The following SIPA1L2 variants were observed in gnomAD, a reference collection of about 807,000 sequenced individuals.
The protein encoded by SIPA1L2 is signal-induced proliferation-associated 1-like protein 2.
In SIPA1L2, 56 loss-of-function variants were observed where a neutral mutation model predicts 163.9. The ratio of observed to expected loss-of-function variants is 0.34; its 90% CI spans 0.28 to 0.43. The LOEUF (loss-of-function observed/expected upper bound fraction) is 0.43. SIPA1L2 is among the 20% of genes least tolerant of loss of function. The pLI, the probability that SIPA1L2 is intolerant of heterozygous loss-of-function variation, is 1.00. For missense variants in SIPA1L2, 1,974 were observed against 2,193.5 expected (o/e 0.90, Z 2.00); for synonymous variants, 877 against 865.7 (o/e 1.01, Z -0.23).
At chr1:232,573,619 A>G (rs900501918) in intron 2 of SIPA1L2, among the ~76,000 whole-genome samples, 1 of 152,166 alleles carries the variant, frequency 6.6e-6, no homozygotes, top group Non-Finnish European at 1.5e-5. Context: ...TTGTGCACAC[A>G]CATAAGTAAG....
chr1:232,439,084 A>G, intron 15 of SIPA1L2, 24 bp downstream of exon 15: 1 of 1,573,324 alleles, frequency 6.4e-7, no homozygotes, highest in Non-Finnish European at 8.6e-7. Context: ...AGCAGGTACT[A>G]CTCTGCAGTG....
rs368293364 is a variant in SIPA1L2, at chr1:232,402,507, G to C, written c.4941-34C>G. 4.4e-6 allele frequency: 7 copies of C among 1,587,302 alleles called. No homozygotes were observed. The African/African-American group carries it at 6.8e-5, about 15-fold the overall frequency. Reference sequence around the variant, plus strand: ...TAAGGATAGAATTAGAAAGATTCAAGAGAGTCAATCGAGCATTTTTGTTGG... The same window carrying C: ...TAAGGATAGAATTAGAAAGATTCAACAGAGTCAATCGAGCATTTTTGTTGG... On this transcript the variant is annotated intron_variant, in intron 21 of 22. Transcript: ENST00000674635.
In SIPA1L2 at chr1:232,439,285, C is replaced by G; in HGVS notation, c.3854G>C (p.Gly1285Ala). 6.2e-7 allele frequency: 1 copy of G among 1,614,132 alleles called. No individual in the cohort carries two copies. Among genetic ancestry groups the G allele is most frequent in the Non-Finnish European group, 8.5e-7 (1 of 1,180,026 alleles). The change falls in exon 15 of 23, where the codon GGC becomes GCC. Residue 1285 changes from glycine to alanine, a missense_variant. This residue lies in a region of SIPA1L2 where 1,079 missense variants were observed against 1,150.7 expected (regional missense o/e 0.94). Coordinates refer to ENST00000674635, the MANE Select transcript of SIPA1L2 (RefSeq NM_020808.5). ...ATILGPVHLA[G>A]SRSLIHSRAE... Reference sequence around the variant, plus strand: ...CCGGCTGTGGATCAGGGACCTGCTGCCTGCCAGGTGCACAGGGCCGAGGAT... The same window carrying G: ...CCGGCTGTGGATCAGGGACCTGCTGGCTGCCAGGTGCACAGGGCCGAGGAT...
intron 2 of SIPA1L2, among the ~76,000 whole-genome samples, chr1:232,556,858 T>C (rs1357703878): frequency 1.3e-5 from 2 of 152,166 alleles, no homozygotes; most frequent in Non-Finnish European, 2.9e-5. Flanking sequence ...TTCCCTCTAT[T>C]TTTTAGATTC....
At chr1:232,601,731 C>T (rs1661602937) in intron 1 of SIPA1L2, among the ~76,000 whole-genome samples, 1 of 152,182 alleles carries the variant, frequency 6.6e-6, no homozygotes, top group Non-Finnish European at 1.5e-5. Context: ...AGCCAAGTTA[C>T]AGAAATGTCA....
intron 3 of SIPA1L2, among the ~76,000 whole-genome samples, chr1:232,501,136 C>T (rs1666458727): frequency 7.3e-6 from 1 of 137,592 alleles, no homozygotes; most frequent in South Asian, 2.4e-4. Flanking sequence ...TGGCTCACTG[C>T]AAGCTCTGCC....
chr1:232,495,548 G>A (rs1055630543), intron 3 of SIPA1L2, among the ~76,000 whole-genome samples: 8 of 143,110 alleles, frequency 5.6e-5, no homozygotes, highest in African/African-American at 1.8e-4. Flanking sequence ...CTGGGTGACA[G>A]AGCAAGACTC....
At chr1:232,410,737 T>A (rs1660904482) in intron 19 of SIPA1L2, among the ~76,000 whole-genome samples, 1 of 152,142 alleles carries the variant, frequency 6.6e-6, no homozygotes, top group Non-Finnish European at 1.5e-5. Context: ...CAAGAAATAA[T>A]CTAAGTACCT....
intron 2 of SIPA1L2, among the ~76,000 whole-genome samples, chr1:232,532,457 T>C (rs1657023679): frequency 1.3e-5 from 2 of 152,220 alleles, no homozygotes; most frequent in South Asian, 4.1e-4. Context: ...TTTGCTGTTG[T>C]CATCATCAGT....
chr1:232,546,464 C>T (rs1313587961), intron 2 of SIPA1L2, among the ~76,000 whole-genome samples: 1 of 152,202 alleles, frequency 6.6e-6, no homozygotes, highest in Non-Finnish European at 1.5e-5. Flanking sequence ...AACAGGAAGA[C>T]TGCCCAGCCG....
Position 232,412,977 on chromosome 1 carries a change from A to G in SIPA1L2, c.4762+2517T>C, listed in dbSNP as rs796453502. On this transcript the variant is annotated intron_variant, in intron 19 of 22. Transcript: ENST00000674635. Reference sequence around the variant, plus strand: ...TAGAATATTACATTATTTTCTGTTTAATTTAGGCATTCATGTACCTGAGGG... The same window carrying G: ...TAGAATATTACATTATTTTCTGTTTGATTTAGGCATTCATGTACCTGAGGG... Among the ~76,000 whole-genome samples the G allele has an allele frequency of 3.3e-5, 5 of 152,340 alleles. No homozygotes were observed. The South Asian group carries it at 1.0e-3, about 32-fold the overall frequency.
chr1:232,616,486 T>A (rs1648280588), intron 1 of SIPA1L2, among the ~76,000 whole-genome samples: 1 of 152,150 alleles, frequency 6.6e-6, no homozygotes, highest in Non-Finnish European at 1.5e-5. Flanking sequence ...CACACCTGGG[T>A]GCCCCTTCCA....
At chr1:232,588,612 G>A (rs1660793651) in intron 1 of SIPA1L2, among the ~76,000 whole-genome samples, 1 of 152,172 alleles carries the variant, frequency 6.6e-6, no homozygotes, top group African/African-American at 2.4e-5. Context: ...CTTCTCTAGT[G>A]TTATATCAAA....
chr1:232,541,978 T>C (rs1489151784), intron 2 of SIPA1L2, among the ~76,000 whole-genome samples: 4 of 151,754 alleles, frequency 2.6e-5, no homozygotes, highest in South Asian at 2.1e-4. Flanking sequence ...AAAATACCTA[T>C]CTAAACCCTT....
chr1:232,564,906 G>C (rs2102758211), intron 2 of SIPA1L2, among the ~76,000 whole-genome samples: 1 of 152,222 alleles, frequency 6.6e-6, no homozygotes. Context: ...TCTCAGGGTG[G>C]GGGATGAGAG....
At chr1:232,535,319 T>C (rs1272701868) in intron 2 of SIPA1L2, among the ~76,000 whole-genome samples, 1 of 152,196 alleles carries the variant, frequency 6.6e-6, no homozygotes, top group Non-Finnish European at 1.5e-5. Context: ...CCTTCATGAA[T>C]GTCTGGCTTC....
intron 6 of SIPA1L2, among the ~76,000 whole-genome samples, chr1:232,481,735 G>T (rs1330675148): frequency 6.6e-6 from 1 of 152,144 alleles, no homozygotes; most frequent in African/African-American, 2.4e-5. Flanking sequence ...CTCTGCTCTA[G>T]TTAACAGAGC....
At chr1:232,500,057 A>C (rs1429456215) in intron 3 of SIPA1L2, among the ~76,000 whole-genome samples, 2 of 152,074 alleles carry the variant, frequency 1.3e-5, no homozygotes, top group East Asian at 1.9e-4. Flanking sequence ...GGCTCACTGC[A>C]AACTCCACCT....
intron 5 of SIPA1L2, among the ~76,000 whole-genome samples, chr1:232,487,295 T>C (rs1665688977): frequency 6.6e-6 from 1 of 152,194 alleles, no homozygotes; most frequent in South Asian, 2.1e-4. Flanking sequence ...AGCCTCAGAA[T>C]TGTCTCGAGC....
Sources: allele counts gnomAD v4.1 joint callset (sites outside exome capture counted in the v4.1 genomes callset), GRCh38; gene constraint gnomAD v4.1.1; regional missense constraint gnomAD v4.1.1; transcripts MANE v1.5; gene names NCBI Gene and HGNC (gene_info 2026-07-23, HGNC 2026-07-21).